Variants in FOXP1 observed in about 807,000 individuals in gnomAD.
FOXP1 encodes forkhead box P1, also known as forkhead box protein P1.
FOXP1 carries 15 observed loss-of-function variants against 98.2 expected under a neutral mutation model. That is an observed-to-expected ratio of 0.15 (90% CI 0.10 to 0.24). The LOEUF (loss-of-function observed/expected upper bound fraction) is 0.24, where lower values mean the gene tolerates loss of function less well. FOXP1 is among the 10% of genes least tolerant of loss of function. FOXP1 has a pLI of 1.00. For missense variants in FOXP1, 633 were observed against 848.5 expected (o/e 0.75, Z 3.15); for synonymous variants, 371 against 314.5 (o/e 1.18, Z -1.90).
At chr3:71,419,934 C>T (rs186971387) in intron 3 of FOXP1, among the ~76,000 whole-genome samples, 79 of 152,116 alleles carry the variant, frequency 5.2e-4, no homozygotes, top group African/African-American at 1.6e-3. Context: ...CGTGCCTCAG[C>T]CTCCTGAGTA....
intron 6 of FOXP1, among the ~76,000 whole-genome samples, chr3:71,174,768 C>A (rs753336853): frequency 7.2e-6 from 1 of 139,018 alleles, no homozygotes; most frequent in Admixed American, 7.6e-5. Context: ...AGCGAATACA[C>A]AATGTATGCA....
At chr3:71,552,871 T>A (rs1184106908) in intron 2 of FOXP1, among the ~76,000 whole-genome samples, 2 of 152,050 alleles carry the variant, frequency 1.3e-5, no homozygotes, top group African/African-American at 4.8e-5. Flanking sequence ...ATAAGCAGAA[T>A]AATCTTCTTA....
chr3:71,526,556 T>C (rs145216371), intron 2 of FOXP1, among the ~76,000 whole-genome samples: 31 of 152,360 alleles, frequency 2.0e-4, no homozygotes, highest in African/African-American at 7.2e-4. Flanking sequence ...TGAGTCATTT[T>C]AGGGTCTTAC....
At chr3:71,156,127 G>A (rs2060811334) in intron 6 of FOXP1, among the ~76,000 whole-genome samples, 1 of 152,142 alleles carries the variant, frequency 6.6e-6, no homozygotes, top group East Asian at 1.9e-4. Context: ...ACTGCTGAAC[G>A]ACTGAGTGAT....
At position 70,977,937 on chromosome 3, in the gene FOXP1, G is replaced by A. The variant is rs761941921; in HGVS notation, c.1239C>T (p.Pro413=). ...LPHTPTTPTA[P]LTPVTQGPSV... ...AGGGGCCTTGGGTGACGGGAGTCAG[G>A]GGGGCGGTTGGGGTCGTTGGAGTAT... is the stretch of plus-strand genomic sequence containing the variant. Residue 413 remains proline (P), a synonymous_variant, in exon 15 of 21, where the codon CCC becomes CCT. Transcript: ENST00000649528. The A allele has an allele frequency of 6.8e-5, 109 of 1,614,074 alleles. No homozygotes were observed. In the East Asian group the frequency reaches 2.3e-3, roughly 34 times the overall value.
chr3:71,270,314 T>C (rs1576683616), intron 5 of FOXP1, among the ~76,000 whole-genome samples: 2 of 152,284 alleles, frequency 1.3e-5, no homozygotes, highest in Non-Finnish European at 1.5e-5. Flanking sequence ...TTTCAGGGTG[T>C]TTGAACTGTT....
intron 2 of FOXP1, among the ~76,000 whole-genome samples, chr3:71,494,008 A>G (rs2091240280): frequency 6.6e-6 from 1 of 152,224 alleles, no homozygotes; most frequent in Non-Finnish European, 1.5e-5. Context: ...ACGAACATTA[A>G]AACTAGTAGG....
rs547397201 is a variant in FOXP1 at position 71,220,915 on chromosome 3, TC to T, written c.-11-22524del. 5.1e-4 allele frequency among the ~76,000 whole-genome samples: 41 copies of T among 80,896 alleles called. No individual in the cohort carries two copies. The South Asian group carries it at 0.022, about 43-fold the overall frequency. The allele number at this position is 80,896 out of a possible 152,430, so 53.1% of individuals were successfully genotyped here. On this transcript the variant is annotated intron_variant, in intron 5 of 20. Coordinates refer to ENST00000649528, the MANE Select transcript of FOXP1 (RefSeq NM_001349338.3). ...AACTACTTTGTGAGGTACATATTAA[TC>T]CTCTTTTTTTTTTCTTTTAAAGAAG...
chr3:71,536,497 G>C (rs571701069), intron 2 of FOXP1, among the ~76,000 whole-genome samples: 1 of 151,510 alleles, frequency 6.6e-6, no homozygotes, highest in African/African-American at 2.4e-5. Flanking sequence ...TACTAAAGTC[G>C]AAGGACTCTT....
At position 71,473,586 on chromosome 3, in the gene FOXP1, T is replaced by C. The variant is rs545407341; in HGVS notation, c.-168+19840A>G. ...GTTCTACAATGAAATGGCAGAGTCATAGATACAACTGATGTATAACTGCCC... is the reference window on the plus strand; with the variant it reads ...GTTCTACAATGAAATGGCAGAGTCACAGATACAACTGATGTATAACTGCCC... On this transcript the variant is annotated intron_variant, in intron 3 of 20. Transcript: ENST00000649528. 3.3e-5 allele frequency among the ~76,000 whole-genome samples: 5 copies of C among 152,222 alleles called. No individual in the cohort carries two copies. The East Asian group carries it at 9.6e-4, about 29-fold the overall frequency.
At chr3:71,261,847 C>A (rs1401759038) in intron 5 of FOXP1, among the ~76,000 whole-genome samples, 1 of 151,940 alleles carries the variant, frequency 6.6e-6, no homozygotes, top group Non-Finnish European at 1.5e-5. Flanking sequence ...ATGGAATAGT[C>A]GACATTTTCC....
At chr3:71,545,095 A>AT (rs573622950) in intron 2 of FOXP1, among the ~76,000 whole-genome samples, 9 of 149,892 alleles carry the variant, frequency 6.0e-5, no homozygotes, top group Admixed American at 1.3e-4. Context: ...TGGTAAAACA[A>AT]TTTTTTTTTT....
chr3:71,511,640 C>A (rs2042212072), intron 2 of FOXP1, among the ~76,000 whole-genome samples: 1 of 152,158 alleles, frequency 6.6e-6, no homozygotes, highest in Non-Finnish European at 1.5e-5. Context: ...TGAACACTGA[C>A]TTCCTTTTTT....
chr3:71,266,080 T>C (rs1447738836), intron 5 of FOXP1, among the ~76,000 whole-genome samples: 1 of 151,734 alleles, frequency 6.6e-6, no homozygotes, highest in Non-Finnish European at 1.5e-5. Context: ...TTGCTAGCGC[T>C]GCAAAGATGG....
In FOXP1 at chr3:71,082,152, G is replaced by A. The variant is rs189771575; in HGVS notation, c.283-28379C>T. ...AAATGAGCTGGGCGTGGTGGCGCAC[G>A]CCTGTAATCCCAGCTACTCAGGAGG... On this transcript the variant is annotated intron_variant, in intron 7 of 20. Coordinates refer to ENST00000649528, the MANE Select transcript of FOXP1 (RefSeq NM_001349338.3). Among the ~76,000 whole-genome samples the A allele has an allele frequency of 5.4e-3, 828 of 152,204 alleles. 5 individuals carry two copies. The highest frequency in any genetic ancestry group is 0.017 in the African/African-American group (697 of 41,518).
At chr3:71,113,758 A>AAAATAAAATAAAATAAAATG (rs2058136459) in intron 6 of FOXP1, among the ~76,000 whole-genome samples, 2 of 151,182 alleles carry the variant, frequency 1.3e-5, no homozygotes. Context: ...AAAATAAAAT[A>AAAATAAAATAAAATAAAATG]AAAGGTCAAG....
At position 71,452,127 on chromosome 3, in the gene FOXP1, A is replaced by G. The variant is rs2108503562; in HGVS notation, c.-168+41299T>C. On this transcript the variant is annotated intron_variant, in intron 3 of 20. Coordinates refer to ENST00000649528, the MANE Select transcript of FOXP1 (RefSeq NM_001349338.3). ...TTTACTGGCGACGTCTCTAAAATTA[A>G]TCACTCTCGGAGCCCCCAAAAGGTG... Among the ~76,000 whole-genome samples the G allele has an allele frequency of 2.0e-5, 3 of 152,286 alleles. 1 individual carries two copies. In the South Asian group the frequency reaches 6.2e-4, roughly 32 times the overall value.
intron 6 of FOXP1, among the ~76,000 whole-genome samples, chr3:71,152,317 C>T (rs986791190): frequency 6.6e-6 from 1 of 152,182 alleles, no homozygotes; most frequent in African/African-American, 2.4e-5. Flanking sequence ...CATAATCAGG[C>T]TGACCCCCTG....
At chr3:70,996,373 T>C (rs1396114560) in intron 13 of FOXP1, among the ~76,000 whole-genome samples, 3 of 152,164 alleles carry the variant, frequency 2.0e-5, no homozygotes, top group Non-Finnish European at 4.4e-5. Flanking sequence ...CCACAACCCA[T>C]TGTCTTTATT....
Sources: allele counts gnomAD v4.1 joint callset (sites outside exome capture counted in the v4.1 genomes callset), GRCh38; gene constraint gnomAD v4.1.1; transcripts MANE v1.5; gene names NCBI Gene and HGNC (gene_info 2026-07-23, HGNC 2026-07-21).